MEGF6: variants seen among roughly 807,000 people sequenced by gnomAD.
The protein encoded by MEGF6 is multiple EGF like domains 6, also known as multiple epidermal growth factor-like domains protein 6.
In MEGF6, 184 loss-of-function variants were observed where a neutral mutation model predicts 207.1. That is an observed-to-expected ratio of 0.89 (90% CI 0.79 to 1.00). The LOEUF is 1.00. Ranked by LOEUF, MEGF6 falls within the 50% of genes least tolerant of loss-of-function variation. The probability of loss-of-function intolerance (pLI) is 0.00; values close to 1 mark genes in which losing one functional copy is unlikely to be tolerated. For missense variants in MEGF6, 2,282 were observed against 2,202.9 expected, an observed-to-expected ratio of 1.04 and a Z score of -0.72; for synonymous variants, 1,038 against 910.0, an observed-to-expected ratio of 1.14 and a Z score of -2.53.
chr1:3,585,877 G>GCGAGGA (rs1423941838), intron 3 of MEGF6, among the ~76,000 whole-genome samples: 2 of 145,896 alleles, frequency 1.4e-5, no homozygotes, highest in South Asian at 2.2e-4. Context: ...GTGGGTGTGA[G>GCGAGGA]GACACATGTC....
chr1:3,621,426 C>A, the MEGF6 span, among the ~76,000 whole-genome samples: 6 of 152,138 alleles, frequency 3.9e-5, no homozygotes, highest in Admixed American at 3.3e-4. Flanking sequence ...CATCTCTGTA[C>A]GGCCTGGTTT....
At chr1:3,604,508 T>C (rs1392289659) in intron 1 of MEGF6, among the ~76,000 whole-genome samples, 1 of 152,118 alleles carries the variant, frequency 6.6e-6, no homozygotes, top group African/African-American at 2.4e-5. Flanking sequence ...GGCTCTGCCA[T>C]TGCCTCTTCC....
intron 2 of MEGF6, among the ~76,000 whole-genome samples, chr1:3,595,740 G>A (rs569468845): frequency 6.6e-5 from 10 of 152,234 alleles, no homozygotes; most frequent in East Asian, 3.9e-4. Flanking sequence ...CCTCCCTCCC[G>A]ACGGTGGTCC....
chr1:3,499,613 G>A lies in MEGF6; in HGVS notation c.2940C>T (p.Gly980=). 3.2e-6 allele frequency: 5 copies of A among 1,586,302 alleles called. No homozygotes were observed. The highest frequency in any genetic ancestry group is 2.6e-6 in the Non-Finnish European group (3 of 1,167,382). ...AVNGSCLCPA[G]RRGPRCAETC... The stretch of plus-strand genomic sequence containing the variant: ...TCTCGGCACAGCGGGGGCCCCGGCG[G>A]CCAGCGGGGCAGAGGCAGGAGCCAT... Residue 980 remains glycine (G), a synonymous_variant, in exon 23 of 37, where the codon GGC becomes GGT. Transcript: ENST00000356575.
At chr1:3,516,205 C>T (rs984774973) in intron 5 of MEGF6, among the ~76,000 whole-genome samples, 3 of 152,226 alleles carry the variant, frequency 2.0e-5, no homozygotes, top group South Asian at 2.1e-4. Context: ...GCCTGTACCC[C>T]GTGGATGGAT....
intron 3 of MEGF6, among the ~76,000 whole-genome samples, chr1:3,593,559 C>T (rs1453853513): frequency 2.0e-5 from 3 of 151,684 alleles, no homozygotes; most frequent in East Asian, 2.0e-4. Flanking sequence ...CCTGGGGACT[C>T]GGGCTGGCAG....
intron 4 of MEGF6, among the ~76,000 whole-genome samples, chr1:3,578,299 A>G (rs563241679): frequency 6.6e-6 from 1 of 152,334 alleles, no homozygotes; most frequent in African/African-American, 2.4e-5. Flanking sequence ...ACATTGCCAA[A>G]AGATTAGACA....
In MEGF6 at chr1:3,496,870, C is replaced by T. The variant is rs114125638; in HGVS notation, c.3614-87G>A. 6.2e-3 allele frequency: 9,377 copies of T among 1,519,802 alleles called. 474 individuals carry two copies. The African/African-American group carries it at 0.11, about 18-fold the overall frequency. 94.1% of individuals were successfully genotyped at this position (1,519,802 alleles called of 1,614,324 possible). A position where few individuals can be genotyped will look rare whatever the true frequency, so the allele number is the denominator to read the frequency against. ...ACAGCAAGGCAGCTCTCATGAGACCCCCACACCCTCCATCTTCCACCCCCT... is the reference window on the plus strand; with the variant it reads ...ACAGCAAGGCAGCTCTCATGAGACCTCCACACCCTCCATCTTCCACCCCCT... On this transcript the variant is annotated intron_variant, in intron 28 of 36. Transcript: ENST00000356575.
At chr1:3,514,885 A>AGCCCAGGTCAGGCAGCG (rs1462071184) in intron 6 of MEGF6, among the ~76,000 whole-genome samples, 4 of 152,174 alleles carry the variant, frequency 2.6e-5, no homozygotes, top group Non-Finnish European at 4.4e-5. Context: ...GCGGCCAGCC[A>AGCCCAGGTCAGGCAGCG]GCCCAGGTCA....
rs1023038569 is a variant in MEGF6 at position 3,489,079 on chromosome 1, C to T, written c.*1449G>A. Among the ~76,000 whole-genome samples, 3 of 152,190 alleles carry T rather than the reference C, an allele frequency of 2.0e-5. No homozygotes were observed. Among genetic ancestry groups the T allele is most frequent in the South Asian group, 2.1e-4 (1 of 4,824 alleles). On this transcript the variant is annotated 3_prime_UTR_variant, in exon 37 of 37. Transcript: ENST00000356575. ...GCTGGATGCTTCATTTCAAGGTATG[C>T]GTTTTCCACACTCCGTCTGCACCCC...
chr1:3,511,573 T>C lies in MEGF6; in HGVS notation c.1091A>G (p.Asp364Gly). Reference sequence around the variant, plus strand: ...ACCGATGCAGGTCCTCTGATCTGTGTCCAGCTCGTAGCCGCGGGGACATGT... The same window carrying C: ...ACCGATGCAGGTCCTCTGATCTGTGCCCAGCTCGTAGCCGCGGGGACATGT... ...LCTCPRGYELDTDQRTCIDVD... is the reference protein window; with the variant it reads ...LCTCPRGYELGTDQRTCIDVD... The change falls in exon 9 of 37, where the codon GAC (aspartate) becomes GGC (glycine). Residue 364 changes from aspartate (D) to glycine (G), a missense_variant. Coordinates refer to ENST00000356575, the MANE Select transcript of MEGF6 (RefSeq NM_001409.4). The C allele has an allele frequency of 6.2e-7, 1 of 1,611,616 alleles. No individual in the cohort carries two copies. Among genetic ancestry groups the C allele is most frequent in the Admixed American group, 1.7e-5 (1 of 59,972 alleles).
chr1:3,508,846 C>G (rs556556555), intron 12 of MEGF6, among the ~76,000 whole-genome samples, 157 bp from the exon 13 acceptor site: 8 of 152,324 alleles, frequency 5.3e-5, no homozygotes, highest in Non-Finnish European at 1.0e-4. Context: ...ATGCTGGGGC[C>G]AGAAGGAGCC....
In MEGF6 at chr1:3,556,396, C is replaced by T. The variant is rs559409767; in HGVS notation, c.481+23429G>A. ...TCATGGTAAGTGGCGCATCCAAAAC[C>T]GCCGGCTGGCTGAACCAAATTGGCC... On this transcript the variant is annotated intron_variant, in intron 4 of 36. Coordinates refer to ENST00000356575, the MANE Select transcript of MEGF6 (RefSeq NM_001409.4). The surrounding 1 kb of genome is among the most constrained non-coding windows in gnomAD (Gnocchi z 4.4). 1.0e-3 allele frequency among the ~76,000 whole-genome samples: 154 copies of T among 152,342 alleles called. No homozygotes were observed. The highest frequency in any genetic ancestry group is 3.7e-3 in the African/African-American group (152 of 41,574).
intron 3 of MEGF6, among the ~76,000 whole-genome samples, chr1:3,590,018 C>CTG (rs1190781897): frequency 2.6e-5 from 4 of 152,362 alleles, no homozygotes; most frequent in African/African-American, 9.6e-5. Context: ...GCCCATGGAG[C>CTG]TGGTGCAGCT....
intron 11 of MEGF6, 38 bp downstream of exon 11, chr1:3,509,832 G>T (rs1641267382): frequency 1.3e-6 from 2 of 1,518,710 alleles, no homozygotes; most frequent in Non-Finnish European, 1.8e-6. Context: ...AACTCGAGAA[G>T]GCAGAGGCCG....
At chr1:3,549,922 C>T (rs1642831419) in intron 4 of MEGF6, among the ~76,000 whole-genome samples, 1 of 152,188 alleles carries the variant, frequency 6.6e-6, no homozygotes, top group South Asian at 2.1e-4. Context: ...CCAGGCTAGG[C>T]TCTGAGTCTT....
intron 4 of MEGF6, among the ~76,000 whole-genome samples, chr1:3,550,640 C>T (rs572155926): frequency 4.5e-4 from 69 of 152,088 alleles, no homozygotes; most frequent in African/African-American, 1.5e-3. Flanking sequence ...CCCAGGCCTC[C>T]GGGGTGCTCC....
chr1:3,568,654 C>T (rs539630370), intron 4 of MEGF6, among the ~76,000 whole-genome samples: 4 of 152,202 alleles, frequency 2.6e-5, no homozygotes, highest in Non-Finnish European at 5.9e-5. Context: ...CCATGCCCTG[C>T]CCTGGATGCC....
chr1:3,597,789 G>A (rs765247715), intron 2 of MEGF6, among the ~76,000 whole-genome samples: 6 of 152,136 alleles, frequency 3.9e-5, no homozygotes, highest in African/African-American at 1.4e-4. Context: ...TCGGACTTCC[G>A]GCCTCTGAAG....
Sources: allele counts gnomAD v4.1 joint callset (sites outside exome capture counted in the v4.1 genomes callset), GRCh38; gene constraint gnomAD v4.1.1; non-coding constraint Gnocchi (gnomAD v3.1); transcripts MANE v1.5; gene names NCBI Gene and HGNC (gene_info 2026-07-23, HGNC 2026-07-21).